The following OPCML variants were observed in gnomAD, a reference collection of about 807,000 sequenced individuals.
The protein encoded by OPCML is opioid-binding protein/cell adhesion molecule.
In OPCML, 13 loss-of-function variants were observed where a neutral mutation model predicts 37.8. The ratio of observed to expected loss-of-function variants is 0.34; its 90% CI spans 0.22 to 0.55. OPCML has a LOEUF of 0.55. Ranked by LOEUF, OPCML falls within the 20% of genes least tolerant of loss-of-function variation. The pLI is 0.91. For synonymous variants in OPCML, 176 were observed against 168.8 expected (o/e 1.04, Z -0.33); for missense variants, 341 against 435.6 (o/e 0.78, Z 1.93).
At chr11:133,429,813 C>G (rs991570909) in intron 1 of OPCML, among the ~76,000 whole-genome samples, 1 of 152,118 alleles carries the variant, frequency 6.6e-6, no homozygotes, top group Non-Finnish European at 1.5e-5. Flanking sequence ...GGCTATGACA[C>G]ATCTAGCATG....
intron 2 of OPCML, among the ~76,000 whole-genome samples, chr11:132,938,358 A>G (rs1438729275): frequency 6.6e-6 from 1 of 152,124 alleles, no homozygotes; most frequent in African/African-American, 2.4e-5. Context: ...TCATGAGGGC[A>G]ATTCTTGACA....
chr11:133,349,395 C>A (rs1360632905), intron 1 of OPCML, among the ~76,000 whole-genome samples: 2 of 152,100 alleles, frequency 1.3e-5, no homozygotes, highest in African/African-American at 4.8e-5. Flanking sequence ...TAATTTAATT[C>A]CTCAGGTATT....
At chr11:133,466,878 G>A (rs1263862679) in intron 1 of OPCML, among the ~76,000 whole-genome samples, 2 of 152,194 alleles carry the variant, frequency 1.3e-5, no homozygotes, top group African/African-American at 2.4e-5. Flanking sequence ...TGTAGCCAAT[G>A]GAAGAAAATG....
chr11:133,247,539 T>C (rs1940970364), intron 1 of OPCML, among the ~76,000 whole-genome samples: 1 of 63,420 alleles, frequency 1.6e-5, no homozygotes, highest in Non-Finnish European at 3.2e-5. Context: ...TCTTTCCTTC[T>C]TTTTCTTTCT....
At chr11:133,118,513 G>T (rs1001417515) in intron 1 of OPCML, 7 of 688,010 alleles carry the variant, frequency 1.0e-5, no homozygotes, top group Non-Finnish European at 1.3e-5. Flanking sequence ...GGAGAGAATT[G>T]CTCAGTAGCA....
At chr11:133,272,475 C>T (rs1941873757) in intron 1 of OPCML, among the ~76,000 whole-genome samples, 1 of 152,170 alleles carries the variant, frequency 6.6e-6, no homozygotes. Flanking sequence ...AGAACACCAC[C>T]TCGAAACAGT....
At chr11:133,069,197 A>T (rs1413121753) in intron 1 of OPCML, among the ~76,000 whole-genome samples, 2 of 152,204 alleles carry the variant, frequency 1.3e-5, no homozygotes, top group African/African-American at 4.8e-5. Flanking sequence ...CCCATCTCCA[A>T]AATGGGGATA....
intron 1 of OPCML, among the ~76,000 whole-genome samples, chr11:133,247,658 C>T (rs1940988111): frequency 6.7e-6 from 1 of 149,422 alleles, no homozygotes; most frequent in Non-Finnish European, 1.5e-5. Flanking sequence ...GGCTAGAGTG[C>T]AGTGGTGTGA....
At chr11:133,435,305 G>C (rs150073800) in intron 1 of OPCML, among the ~76,000 whole-genome samples, 1 of 152,100 alleles carries the variant, frequency 6.6e-6, no homozygotes, top group South Asian at 2.1e-4. Context: ...TAAAATTCAC[G>C]TCTAGCTTAA....
intron 1 of OPCML, among the ~76,000 whole-genome samples, chr11:133,449,527 C>T (rs918867998): frequency 1.3e-5 from 2 of 152,208 alleles, no homozygotes; most frequent in African/African-American, 4.8e-5. Flanking sequence ...TGTTCCCTTA[C>T]ATTTCTGGCC....
chr11:133,133,802 C>G (rs1340869332), intron 1 of OPCML, among the ~76,000 whole-genome samples: 1 of 152,144 alleles, frequency 6.6e-6, no homozygotes, highest in Non-Finnish European at 1.5e-5. Flanking sequence ...GAAAATGTCA[C>G]TAGGCTTTTT....
At chr11:133,001,492 G>T (rs1408301516) in intron 1 of OPCML, among the ~76,000 whole-genome samples, 1 of 152,208 alleles carries the variant, frequency 6.6e-6, no homozygotes, top group East Asian at 1.9e-4. Flanking sequence ...CTAGCACCAT[G>T]GTCACTGGTT....
intron 1 of OPCML, among the ~76,000 whole-genome samples, chr11:133,016,214 T>C (rs956716359): frequency 1.3e-5 from 2 of 152,374 alleles, no homozygotes; most frequent in Admixed American, 6.5e-5. Flanking sequence ...GGCTAGGTTC[T>C]CTGTTTTGGG....
At chr11:133,441,942 A>G (rs369275298) in intron 1 of OPCML, among the ~76,000 whole-genome samples, 1 of 152,192 alleles carries the variant, frequency 6.6e-6, no homozygotes, top group African/African-American at 2.4e-5. Flanking sequence ...CAATAAATAC[A>G]TAAAAATGTA....
chr11:133,495,105 C>T (rs190152919), intron 1 of OPCML, among the ~76,000 whole-genome samples: 6 of 152,106 alleles, frequency 3.9e-5, no homozygotes, highest in Non-Finnish European at 7.4e-5. Context: ...CATTCTTATG[C>T]CTTTGCATCC....
intron 1 of OPCML, among the ~76,000 whole-genome samples, chr11:133,102,157 T>G (rs958446430): frequency 1.3e-5 from 2 of 152,168 alleles, no homozygotes; most frequent in African/African-American, 2.4e-5. Context: ...TCAAAACCCA[T>G]AGAATATACA....
chr11:133,440,457 T>C (rs2136937391), intron 1 of OPCML, among the ~76,000 whole-genome samples: 1 of 150,528 alleles, frequency 6.6e-6, no homozygotes, highest in East Asian at 2.0e-4. Flanking sequence ...CTGGGTGTGG[T>C]GGCTCACGCC....
At chr11:133,343,343 C>T (rs1379717740) in intron 1 of OPCML, among the ~76,000 whole-genome samples, 1 of 152,142 alleles carries the variant, frequency 6.6e-6, no homozygotes, top group Non-Finnish European at 1.5e-5. Context: ...TGTCATCTTT[C>T]CATCTACCCA....
At chr11:133,102,459 G>A (rs1486418508) in intron 1 of OPCML, among the ~76,000 whole-genome samples, 1 of 152,104 alleles carries the variant, frequency 6.6e-6, no homozygotes, top group Non-Finnish European at 1.5e-5. Flanking sequence ...CAAAAACTAG[G>A]CCAAATTGGC....
Sources: allele counts gnomAD v4.1 joint callset (sites outside exome capture counted in the v4.1 genomes callset), GRCh38; gene constraint gnomAD v4.1.1; transcripts MANE v1.5; gene names NCBI Gene and HGNC (gene_info 2026-07-23, HGNC 2026-07-21).